The following PCDHGA2 variants were observed in gnomAD, a reference collection of about 807,000 sequenced individuals.
PCDHGA2 encodes protocadherin gamma subfamily A, 2.
In PCDHGA2, 40 loss-of-function variants were observed where a neutral mutation model predicts 59.2. That is an observed-to-expected ratio of 0.68 (90% confidence interval 0.52 to 0.88). The LOEUF is 0.88. Ranked by LOEUF, PCDHGA2 falls within the 40% of genes least tolerant of loss-of-function variation. The pLI, the probability that PCDHGA2 is intolerant of heterozygous loss-of-function variation, is 0.00. For synonymous variants in PCDHGA2, 560 were observed against 526.0 expected (o/e 1.06, Z -0.89); for missense variants, 1,226 against 1,204.0 (o/e 1.02, Z -0.27).
intron 1 of PCDHGA2, among the ~76,000 whole-genome samples, chr5:141,353,206 T>A (rs1759215338): frequency 6.6e-6 from 1 of 152,198 alleles, no homozygotes. Context: ...TAAAGAGACC[T>A]GTTTCCTAGA....
At chr5:141,360,192 C>G (rs754322623) in intron 1 of PCDHGA2, 2 of 1,611,798 alleles carry the variant, frequency 1.2e-6, no homozygotes, top group Non-Finnish European at 1.7e-6. Context: ...TACTGTTGCC[C>G]TTCCTGTTGT....
In PCDHGA2 at chr5:141,485,556, A is replaced by T; in HGVS notation, c.2425-9251A>T. On this transcript the variant is annotated intron_variant, in intron 1 of 3. Coordinates refer to ENST00000394576, the MANE Select transcript of PCDHGA2 (RefSeq NM_018915.4). This position sits in a 1 kb window ranked among gnomAD's most constrained non-coding sequence, Gnocchi z 5.7. ...GAGGTAGAGATCGTAGATGTGAATG[A>T]TCACGCCCCCCGTTTTCCGCGGCAG... is the stretch of plus-strand genomic sequence containing the variant. The T allele has an allele frequency of 6.2e-7, 1 of 1,613,664 alleles. No homozygotes were observed. Among genetic ancestry groups the T allele is most frequent in the Non-Finnish European group, 8.5e-7 (1 of 1,179,644 alleles).
chr5:141,393,787 G>A (rs1267376494), intron 1 of PCDHGA2: 3 of 1,613,930 alleles, frequency 1.9e-6, no homozygotes, highest in Non-Finnish European at 2.5e-6. Flanking sequence ...GAAGATGTGG[G>A]GGCACTTCTG....
intron 1 of PCDHGA2, chr5:141,344,996 A>T (rs774542255): frequency 3.1e-6 from 5 of 1,613,974 alleles, no homozygotes; most frequent in Admixed American, 1.7e-5. Context: ...AAATTGAAGC[A>T]CAGGATGGAC....
intron 1 of PCDHGA2, chr5:141,412,947 C>A (rs930035804): frequency 2.1e-6 from 1 of 474,890 alleles, no homozygotes; most frequent in African/African-American, 2.0e-5. Flanking sequence ...CTCTGAGCGC[C>A]GCTGTTCACC....
intron 1 of PCDHGA2, chr5:141,416,335 C>A (rs573998059): frequency 6.6e-6 from 1 of 152,256 alleles, no homozygotes; most frequent in Non-Finnish European, 1.5e-5. Flanking sequence ...ACTTTCATTG[C>A]TCAATAGGGA....
chr5:141,427,693 C>A, intron 1 of PCDHGA2: 2 of 909,726 alleles, frequency 2.2e-6, no homozygotes, highest in East Asian at 2.5e-5. Context: ...GCCTCCATCC[C>A]ACAAGTCAGC....
rs2154591356 is a variant in PCDHGA2, at chr5:141,493,972, C to G, written c.2425-835C>G. Among the ~76,000 whole-genome samples, 6 of 152,276 alleles carry G rather than the reference C, an allele frequency of 3.9e-5. No homozygotes were observed. In the Middle Eastern group the frequency reaches 0.014, roughly 345 times the overall value. On this transcript the variant is annotated intron_variant, in intron 1 of 3. Coordinates refer to ENST00000394576, the MANE Select transcript of PCDHGA2 (RefSeq NM_018915.4). This position sits in a 1 kb window ranked among gnomAD's most constrained non-coding sequence, Gnocchi z 4.3. ...CAGGAATGAAGTGGCTGGCCAGAGC[C>G]CCACACCTTCAGCTAGGTGGGAGAT...
At chr5:141,350,516 A>G in intron 1 of PCDHGA2, 2 of 1,614,046 alleles carry the variant, frequency 1.2e-6, no homozygotes, top group Non-Finnish European at 1.7e-6. Context: ...AGTGAACGGT[A>G]GGATAGATCG....
rs749759763 is a variant in PCDHGA2 at position 141,384,376 on chromosome 5, G to A, written c.2424+42981G>A. On this transcript the variant is annotated intron_variant, in intron 1 of 3. Coordinates refer to ENST00000394576, the MANE Select transcript of PCDHGA2 (RefSeq NM_018915.4). ...TGCCCAGATCACTTATTCCTTGGCCGAAGACACCATCCAGGGGGCTCCAGT... is the reference window on the plus strand; with the variant it reads ...TGCCCAGATCACTTATTCCTTGGCCAAAGACACCATCCAGGGGGCTCCAGT... 10 of 1,613,786 alleles carry A rather than the reference G, an allele frequency of 6.2e-6. No individual in the cohort carries two copies. In the African/African-American group the frequency reaches 8.0e-5, roughly 13 times the overall value.
At chr5:141,382,059 C>T (rs1480800714) in intron 1 of PCDHGA2, among the ~76,000 whole-genome samples, 1 of 151,960 alleles carries the variant, frequency 6.6e-6, no homozygotes, top group South Asian at 2.1e-4. Context: ...AAGCTCCCGA[C>T]CTCAGGTGAT....
At chr5:141,437,459 C>T (rs749625924) in intron 1 of PCDHGA2, among the ~76,000 whole-genome samples, 1 of 152,140 alleles carries the variant, frequency 6.6e-6, no homozygotes, top group Admixed American at 6.5e-5. Context: ...GGAGACTATA[C>T]TATACTTTTA....
intron 1 of PCDHGA2, among the ~76,000 whole-genome samples, chr5:141,473,383 C>A (rs976400317): frequency 3.3e-5 from 5 of 152,200 alleles, no homozygotes; most frequent in African/African-American, 9.6e-5. Context: ...GGTCCCTGCC[C>A]TCCTGGAGCT....
At chr5:141,510,169 A>G (rs927072830) in intron 3 of PCDHGA2, among the ~76,000 whole-genome samples, 7 of 151,230 alleles carry the variant, frequency 4.6e-5, no homozygotes, top group Non-Finnish European at 1.0e-4. Context: ...GCTACTCAGG[A>G]GGTTGAGGCA....
intron 1 of PCDHGA2, chr5:141,404,285 A>T (rs1195722797): frequency 1.9e-6 from 3 of 1,614,026 alleles, no homozygotes; most frequent in East Asian, 4.5e-5. Flanking sequence ...AGTGACTGAC[A>T]TCAATGATAA....
chr5:141,355,111 C>T, intron 1 of PCDHGA2: 1 of 1,508,846 alleles, frequency 6.6e-7, no homozygotes, highest in Non-Finnish European at 8.8e-7. Flanking sequence ...GCTGTGAATG[C>T]ACTTTATTTT....
chr5:141,431,127 T>C lies in PCDHGA2; in HGVS notation c.2425-63680T>C, dbSNP rs1455709617. ...AAAATATATGGAGTAGAAGTAGAAG[T>C]AAGGGACATTAACGACAATGCGCCT... On this transcript the variant is annotated intron_variant, in intron 1 of 3. Transcript: ENST00000394576. This position sits in a 1 kb window ranked among gnomAD's most constrained non-coding sequence, Gnocchi z 4.8. 1 of 1,614,176 alleles carries C rather than the reference T, an allele frequency of 6.2e-7. No individual in the cohort carries two copies. Among genetic ancestry groups the C allele is most frequent in the East Asian group, 2.2e-5 (1 of 44,878 alleles).
chr5:141,467,781 C>T (rs2099151581), intron 1 of PCDHGA2, among the ~76,000 whole-genome samples: 1 of 152,228 alleles, frequency 6.6e-6, no homozygotes, highest in South Asian at 2.1e-4. Context: ...ACCTCAGCCT[C>T]TCAAGTAGCT....
intron 2 of PCDHGA2, among the ~76,000 whole-genome samples, chr5:141,497,543 T>C (rs896069181): frequency 4.7e-5 from 7 of 149,068 alleles, no homozygotes; most frequent in Non-Finnish European, 9.0e-5. Context: ...AACAAACCTT[T>C]TTTTTTTTTT....
Sources: allele counts gnomAD v4.1 joint callset (sites outside exome capture counted in the v4.1 genomes callset), GRCh38; gene constraint gnomAD v4.1.1; non-coding constraint Gnocchi (gnomAD v3.1); transcripts MANE v1.5; gene names NCBI Gene and HGNC (gene_info 2026-07-23, HGNC 2026-07-21).